The following ZYG11B variants were observed in gnomAD, a reference collection of about 807,000 sequenced individuals.
ZYG11B encodes zyg-11 family member B, cell cycle regulator.
ZYG11B carries 36 observed loss-of-function variants against 82.4 expected under a neutral mutation model. The ratio of observed to expected loss-of-function variants is 0.44; its 90% confidence interval spans 0.33 to 0.58. The LOEUF (loss-of-function observed/expected upper bound fraction) is 0.58, where lower values mean the gene tolerates loss of function less well. ZYG11B is among the 20% of genes least tolerant of loss of function. ZYG11B has a pLI of 0.02. For missense variants in ZYG11B, 552 were observed against 895.6 expected (o/e 0.62, Z 4.90); for synonymous variants, 303 against 312.8 (o/e 0.97, Z 0.33).
At chr1:52,770,072 C>CTATATA (rs781732048) in intron 2 of ZYG11B, among the ~76,000 whole-genome samples, 10 of 113,044 alleles carry the variant, frequency 8.8e-5, no homozygotes, top group South Asian at 3.0e-4. Context: ...GCTGTAACTA[C>CTATATA]TATATATATA....
intron 1 of ZYG11B, among the ~76,000 whole-genome samples, chr1:52,734,060 G>A (rs1003344946): frequency 9.9e-5 from 15 of 152,100 alleles, no homozygotes; most frequent in Admixed American, 4.6e-4. Context: ...GTGCAGGGGC[G>A]TAATCATAGC....
At chr1:52,817,418 G>T (rs993572157) in intron 13 of ZYG11B, among the ~76,000 whole-genome samples, 11 of 151,880 alleles carry the variant, frequency 7.2e-5, no homozygotes, top group African/African-American at 2.7e-4. Flanking sequence ...TAGAGACAAG[G>T]TCTGTCTCTA....
rs1644759223 is a variant in ZYG11B, at chr1:52,772,262, T to C, written c.951+488T>C. The stretch of plus-strand genomic sequence containing the variant: ...CTGGGAGGGAGGACTCGCTTGGTCT[T>C]ATAATATTGAGCCAAACGGTGAATC... On this transcript the variant is annotated intron_variant, in intron 3 of 13. Transcript: ENST00000294353. 3.0e-6 allele frequency: 4 copies of C among 1,323,640 alleles called. No homozygotes were observed. In the Admixed American group the frequency reaches 6.7e-5, roughly 22 times the overall value. The allele number at this position is 1,323,640 out of a possible 1,614,324, so 82.0% of individuals were successfully genotyped here.
intron 1 of ZYG11B, 57 bp from the exon 2 acceptor site, chr1:52,756,401 C>T: frequency 6.5e-7 from 1 of 1,535,932 alleles, no homozygotes; most frequent in South Asian, 1.2e-5. Flanking sequence ...CTCTGCTTTT[C>T]TGGAAACTAA....
At chr1:52,756,849 A>T (rs1644581767) in intron 2 of ZYG11B, among the ~76,000 whole-genome samples, 2 of 132,600 alleles carry the variant, frequency 1.5e-5, no homozygotes, top group Admixed American at 1.7e-4. Context: ...ACAGGGTCTC[A>T]CTCTGTTACC....
Position 52,780,838 on chromosome 1 carries a change from C to T in ZYG11B, c.1092+845C>T, listed in dbSNP as rs922668045. The stretch of plus-strand genomic sequence containing the variant: ...TCTTAATTTTATTGAATGCTTTGGG[C>T]AACATTTATCAAAATGTGGTCCTTT... On this transcript the variant is annotated intron_variant, in intron 4 of 13. Coordinates refer to ENST00000294353, the MANE Select transcript of ZYG11B (RefSeq NM_024646.3). Among the ~76,000 whole-genome samples, 3 of 152,158 alleles carry T rather than the reference C, an allele frequency of 2.0e-5. No individual in the cohort carries two copies. The East Asian group carries it at 5.8e-4, about 29-fold the overall frequency.
At position 52,796,314 on chromosome 1, in the gene ZYG11B, A is replaced by G; in HGVS notation, c.1357A>G (p.Met453Val). 2 of 1,613,804 alleles carry G rather than the reference A, an allele frequency of 1.2e-6. No individual in the cohort carries two copies. Among genetic ancestry groups the G allele is most frequent in the Non-Finnish European group, 1.7e-6 (2 of 1,179,806 alleles). ...CAGGTTTGAAGCAGCCAAGCTTGTC[A>G]TGCAGTGGCTTTGCAACCATGAGGA... ...FNRFEAAKLV[M>V]QWLCNHEDQN... The change falls in exon 7 of 14, where the codon ATG becomes GTG. Residue 453 changes from methionine (M) to valine (V), a missense_variant. This residue lies in a region of ZYG11B where 359 missense variants were observed against 555.8 expected (regional missense o/e 0.65). Transcript: ENST00000294353.
chr1:52,772,049 G>T (rs1412706), intron 3 of ZYG11B: 29 of 687,894 alleles, frequency 4.2e-5, no homozygotes, highest in Middle Eastern at 4.0e-4. Context: ...GGCAAGTCAC[G>T]TAGTAGGTCC....
At chr1:52,770,301 G>C (rs1644738847) in intron 2 of ZYG11B, among the ~76,000 whole-genome samples, 1 of 151,716 alleles carries the variant, frequency 6.6e-6, no homozygotes, top group African/African-American at 2.4e-5. Flanking sequence ...ATGTTTCCCA[G>C]GCCTAGATCG....
chr1:52,792,913 T>C (rs1327250197), intron 6 of ZYG11B, among the ~76,000 whole-genome samples: 3 of 152,182 alleles, frequency 2.0e-5, no homozygotes, highest in African/African-American at 7.2e-5. Context: ...AGATCTCGGC[T>C]CACTGCAACC....
chr1:52,735,907 C>T (rs1024113480), intron 1 of ZYG11B, among the ~76,000 whole-genome samples: 3 of 152,072 alleles, frequency 2.0e-5, no homozygotes, highest in Admixed American at 2.0e-4. Context: ...ACTTTCAGAA[C>T]ATATTAATTG....
At chr1:52,737,434 A>G (rs530761291) in intron 1 of ZYG11B, among the ~76,000 whole-genome samples, 2 of 152,320 alleles carry the variant, frequency 1.3e-5, no homozygotes, top group Admixed American at 1.3e-4. Context: ...ATAAGCACTT[A>G]GCATAGTGCT....
rs377404176 is a variant in ZYG11B, at chr1:52,824,310, T to C, written c.*2681T>C. 8 of 152,108 alleles carry C rather than the reference T, an allele frequency of 5.3e-5. No homozygotes were observed. The highest frequency in any genetic ancestry group is 1.9e-4 in the African/African-American group (8 of 41,400). The allele number at this position is 152,108 out of a possible 1,614,324, so 9.4% of individuals were successfully genotyped here. On this transcript the variant is annotated 3_prime_UTR_variant, in exon 14 of 14. Transcript: ENST00000294353. ...GAACTACAGGCTAAATTTCCTACTT[T>C]GTAAACATCAGTAGTGGCCAGATAC...
chr1:52,807,991 C>T (rs564665664), intron 10 of ZYG11B, among the ~76,000 whole-genome samples: 26 of 152,300 alleles, frequency 1.7e-4, no homozygotes, highest in African/African-American at 6.0e-4. Context: ...TTGCTTCTTT[C>T]TAATGAAAAA....
At chr1:52,761,479 C>T (rs1202303195) in intron 2 of ZYG11B, among the ~76,000 whole-genome samples, 1 of 152,178 alleles carries the variant, frequency 6.6e-6, no homozygotes, top group Non-Finnish European at 1.5e-5. Flanking sequence ...AACATAATGT[C>T]CTCCAGTTTC....
rs1449754229 is a variant in ZYG11B, at chr1:52,771,413, C to G, written c.590C>G (p.Ser197Ter). The change falls in exon 3 of 14, where the codon TCA (serine) becomes TGA (stop). Residue 197 changes from serine (S) to a stop codon, truncating the protein, a stop_gained. Transcript: ENST00000294353. LOFTEE classifies it high-confidence loss of function. This position sits in a 1 kb window ranked among gnomAD's most constrained non-coding sequence, Gnocchi z 5.4. ...GAGAGCTTGGATATTTCTAACACCTCAATCACAGACATCACTGCTCTACTG... is the reference window on the plus strand; with the variant it reads ...GAGAGCTTGGATATTTCTAACACCTGAATCACAGACATCACTGCTCTACTG... ...RLESLDISNT[S>*]ITDITALLAC... 1 of 1,614,086 alleles carries G rather than the reference C, an allele frequency of 6.2e-7. No homozygotes were observed.
intron 2 of ZYG11B, among the ~76,000 whole-genome samples, chr1:52,764,478 G>A (rs370617183): frequency 5.9e-5 from 9 of 151,808 alleles, no homozygotes; most frequent in African/African-American, 1.9e-4. Context: ...TCTATAAATC[G>A]GTCCTAGGTC....
At chr1:52,815,341 A>C (rs969672444) in intron 12 of ZYG11B, among the ~76,000 whole-genome samples, 2 of 152,130 alleles carry the variant, frequency 1.3e-5, no homozygotes, top group Admixed American at 1.3e-4. Context: ...ATCTCTACTA[A>C]AAAATAAAAA....
At chr1:52,803,121 CACAT>C (rs1645096808) in intron 10 of ZYG11B, among the ~76,000 whole-genome samples, 2 of 52,542 alleles carry the variant, frequency 3.8e-5, no homozygotes, top group East Asian at 6.7e-4. Flanking sequence ...TATATATACA[CACAT>C]ATATATATAC....
Sources: gnomAD v4.1 joint callset for allele counts (sites outside exome capture counted in the v4.1 genomes callset) on GRCh38, gnomAD v4.1.1 for gene constraint, gnomAD v4.1.1 regional missense constraint, Gnocchi (gnomAD v3.1) non-coding constraint, MANE v1.5 for transcripts, NCBI Gene and HGNC (gene_info 2026-07-23, HGNC 2026-07-21) for gene names.